Variants in ACTN3 observed in about 807,000 individuals in gnomAD.
ACTN3 encodes actinin alpha 3.
ACTN3 carries 91 observed loss-of-function variants against 119.6 expected under a neutral mutation model. That is an observed-to-expected ratio of 0.76 (90% CI 0.64 to 0.91). The LOEUF is 0.91. ACTN3 is among the 40% of genes least tolerant of loss of function. The pLI, the probability that ACTN3 is intolerant of heterozygous loss-of-function variation, is 0.00. For missense variants in ACTN3, 1,221 were observed against 1,215.1 expected (o/e 1.00, Z -0.07); for synonymous variants, 456 against 478.8 (o/e 0.95, Z 0.62).
intron 5 of ACTN3, 85 bp downstream of exon 5, chr11:66,554,708 C>A: frequency 8.9e-7 from 1 of 1,123,326 alleles, no homozygotes; most frequent in Non-Finnish European, 1.3e-6. Flanking sequence ...GTGAAGGGCA[C>A]TGAGCTGGTC....
rs780503342 is a variant in ACTN3, at chr11:66,554,653, G to T, written c.557+30G>T. The stretch of plus-strand genomic sequence containing the variant: ...GTCAGGTGGTTACCAAATGTGTCTG[G>T]GCCTCTGTGGGGTACTGGGCATAGA... On this transcript the variant is annotated intron_variant, in intron 5 of 20. Coordinates refer to ENST00000513398, the MANE Select transcript of ACTN3 (RefSeq NM_001104.4). 1.2e-5 allele frequency: 19 copies of T among 1,580,260 alleles called. No individual in the cohort carries two copies. The Admixed American group carries it at 3.4e-4, about 28-fold the overall frequency.
chr11:66,546,561 G>T (rs950183211), upstream of ACTN3: 1 of 1,535,646 alleles, frequency 6.5e-7, no homozygotes. Context: ...AGAGGCTCAC[G>T]AGGAGCTCCA....
rs1036605056 is a variant in ACTN3 at position 66,559,920 on chromosome 11, C to T, written c.1428-48C>T. The stretch of plus-strand genomic sequence containing the variant: ...TCCAGCCCTGGGAGTGCAGTTAGGA[C>T]ATCTGGGCTGGGGCTGGCCCCACAC... On this transcript the variant is annotated intron_variant, in intron 12 of 20. Coordinates refer to ENST00000513398, the MANE Select transcript of ACTN3 (RefSeq NM_001104.4). The T allele has an allele frequency of 3.3e-6, 5 of 1,531,256 alleles. No individual in the cohort carries two copies. The Admixed American group carries it at 5.8e-5, about 18-fold the overall frequency. 94.9% of individuals were successfully genotyped at this position (1,531,256 alleles called of 1,614,324 possible).
intron 17 of ACTN3, 85 bp from the exon 18 acceptor site, chr11:66,561,937 G>T: frequency 1.3e-6 from 2 of 1,499,704 alleles, no homozygotes; most frequent in Non-Finnish European, 1.8e-6. Context: ...CTTGCCCAGG[G>T]TCATTCAGTG....
In ACTN3 at chr11:66,557,119, C is replaced by T. The variant is rs767393153; in HGVS notation, c.805-14C>T. 6.6e-5 allele frequency: 102 copies of T among 1,551,142 alleles called. No individual in the cohort carries two copies. The highest frequency in any genetic ancestry group is 4.5e-4 in the Admixed American group (23 of 50,986). ...TTTGCTTTAATGCCAGCCTTCTGCCCACTCCCCCCACAGGCAGAGACAGCT... is the reference window on the plus strand; with the variant it reads ...TTTGCTTTAATGCCAGCCTTCTGCCTACTCCCCCCACAGGCAGAGACAGCT... On this transcript the variant is annotated splice_polypyrimidine_tract_variant and intron_variant, in intron 8 of 20. Coordinates refer to ENST00000513398, the MANE Select transcript of ACTN3 (RefSeq NM_001104.4).
Position 66,557,125 on chromosome 11 carries a change from C to T in ACTN3, c.805-8C>T, listed in dbSNP as rs1456811683. ...TTAATGCCAGCCTTCTGCCCACTCC[C>T]CCCACAGGCAGAGACAGCTGCCAAC... On this transcript the variant is annotated splice_polypyrimidine_tract_variant and splice_region_variant and intron_variant, in intron 8 of 20. Transcript: ENST00000513398. 3 of 1,551,758 alleles carry T rather than the reference C, an allele frequency of 1.9e-6. No homozygotes were observed. Among genetic ancestry groups the T allele is most frequent in the African/African-American group, 2.7e-5 (2 of 73,054 alleles).
At chr11:66,555,619 G>C (rs537839859) in intron 7 of ACTN3, among the ~76,000 whole-genome samples, 1 of 152,162 alleles carries the variant, frequency 6.6e-6, no homozygotes. Flanking sequence ...CAGTTACCTG[G>C]GTTACCTGGG....
chr11:66,562,023 A>T lies in ACTN3; in HGVS notation c.2177A>T (p.His726Leu). ...DNKHTVYSME[H>L]IRVGWEQLLT... is the part of the protein sequence containing the mutation. ...AGTGGCCTGTCCCCTGACCGCCAGCACATCCGCGTGGGCTGGGAGCAGCTG... is the reference window on the plus strand; with the variant it reads ...AGTGGCCTGTCCCCTGACCGCCAGCTCATCCGCGTGGGCTGGGAGCAGCTG... Residue 726 changes from histidine (H) to leucine (L), a missense_variant and splice_region_variant, in exon 18 of 21, where the codon CAC becomes CTC. Physicochemically the swap from His to Leu is moderately conservative, Grantham distance 99. Coordinates refer to ENST00000513398, the MANE Select transcript of ACTN3 (RefSeq NM_001104.4). 1 of 1,606,922 alleles carries T rather than the reference A, an allele frequency of 6.2e-7. No individual in the cohort carries two copies.
At chr11:66,552,459 T>TA (rs1220501077) in intron 3 of ACTN3, among the ~76,000 whole-genome samples, 1 of 151,976 alleles carries the variant, frequency 6.6e-6, no homozygotes, top group Non-Finnish European at 1.5e-5. Context: ...AATTGCTAAA[T>TA]AACAAGCCAG....
At chr11:66,558,402 G>A (rs893721355) in intron 11 of ACTN3, among the ~76,000 whole-genome samples, 9 of 152,200 alleles carry the variant, frequency 5.9e-5, no homozygotes, top group African/African-American at 1.9e-4. Context: ...TTTTGAGACA[G>A]AGTCTTGCTC....
In ACTN3 at chr11:66,559,325, A is replaced by G; in HGVS notation, c.1366A>G (p.Ser456Gly). ...GCTGCGGCGCCACGAGGCCTTTGAG[A>G]GCGACCTGGCGGCGCACCAGGACCG... ...ALLRRHEAFE[S>G]DLAAHQDRVE... The change falls in exon 12 of 21, where the codon AGC becomes GGC. Residue 456 changes from serine to glycine, a missense_variant. Ser to Gly is a moderately conservative substitution (Grantham distance 56, BLOSUM62 0). Coordinates refer to ENST00000513398, the MANE Select transcript of ACTN3 (RefSeq NM_001104.4). The G allele has an allele frequency of 6.3e-7, 1 of 1,576,464 alleles. No homozygotes were observed. The highest frequency in any genetic ancestry group is 2.5e-5 in the East Asian group (1 of 40,360).
chr11:66,560,123 C>T (rs1297782276), intron 13 of ACTN3, 47 bp downstream of exon 13: 2 of 1,552,362 alleles, frequency 1.3e-6, no homozygotes, highest in South Asian at 2.4e-5. Context: ...GTGGGTGAGG[C>T]CAGGTCTGCA....
chr11:66,556,189 T>C lies in ACTN3; in HGVS notation c.763T>C (p.Tyr255His). Residue 255 changes from tyrosine (Y) to histidine (H), a missense_variant, in exon 8 of 21, where the codon TAT (tyrosine) becomes CAT (histidine). This residue lies in a region of ACTN3 where 934 missense variants were observed against 899.9 expected (regional missense o/e 1.04). Coordinates refer to ENST00000513398, the MANE Select transcript of ACTN3 (RefSeq NM_001104.4). The part of the protein sequence containing the change: ...PKPDEKAIMT[Y>H]VSCFYHAFAG... ...GCCGGATGAGAAGGCCATCATGACC[T>C]ATGTGTCCTGCTTCTACCATGCCTT... is the stretch of plus-strand genomic sequence containing the variant. The C allele has an allele frequency of 1.9e-6, 3 of 1,613,914 alleles. No homozygotes were observed. The highest frequency in any genetic ancestry group is 2.5e-6 in the Non-Finnish European group (3 of 1,179,914).
intron 9 of ACTN3, 42 bp from the exon 10 acceptor site, chr11:66,557,657 C>T (rs1857619396): frequency 6.4e-6 from 10 of 1,569,334 alleles, no homozygotes; most frequent in East Asian, 2.3e-5. Flanking sequence ...CTGGGCAGGT[C>T]AGCGCAGAGC....
chr11:66,556,543 C>A (rs1857594632), intron 8 of ACTN3, among the ~76,000 whole-genome samples: 1 of 152,064 alleles, frequency 6.6e-6, no homozygotes, highest in Non-Finnish European at 1.5e-5. Context: ...TTGACCTCAG[C>A]CTCCTGCCTC....
chr11:66,561,678 G>T, intron 17 of ACTN3, 41 bp downstream of exon 17: 1 of 1,578,814 alleles, frequency 6.3e-7, no homozygotes, highest in Non-Finnish European at 8.6e-7. Context: ...AGGCAGCACT[G>T]GCTGAGGAGG....
Position 66,560,713 on chromosome 11 carries a change from C to T in ACTN3, c.1818C>T (p.Tyr606=). Residue 606 remains tyrosine, a synonymous_variant, in exon 15 of 21, where the codon TAC becomes TAT. Coordinates refer to ENST00000513398, the MANE Select transcript of ACTN3 (RefSeq NM_001104.4). ...TGCGGCCCTGCTCCACCAATCCCTA[C>T]ATCACCCTCAGCCCGCAGGACATCA... ...YGLRPCSTNP[Y]ITLSPQDINT... is the part of the protein sequence containing the mutation. 2 of 1,613,806 alleles carry T rather than the reference C, an allele frequency of 1.2e-6. No homozygotes were observed. The highest frequency in any genetic ancestry group is 1.7e-6 in the Non-Finnish European group (2 of 1,179,780).
intron 11 of ACTN3, 60 bp from the exon 12 acceptor site, chr11:66,559,176 C>T (rs1857674057): frequency 1.4e-6 from 2 of 1,411,532 alleles, no homozygotes; most frequent in South Asian, 3.4e-5. Flanking sequence ...TCACGCAGCC[C>T]GCCGCGCACC....
rs149608017 is a variant in ACTN3 at position 66,554,941 on chromosome 11, G to A, written c.558-189G>A. Among the ~76,000 whole-genome samples the A allele has an allele frequency of 6.1e-3, 933 of 152,254 alleles. 3 individuals are homozygous for A. The highest frequency in any genetic ancestry group is 9.5e-3 in the Non-Finnish European group (648 of 68,014). ...TCGGGCCTAAGCATGAGTGTGTGACGGAATCGTGATGAGCTAGCAGGAGAT... is the reference window on the plus strand; with the variant it reads ...TCGGGCCTAAGCATGAGTGTGTGACAGAATCGTGATGAGCTAGCAGGAGAT... On this transcript the variant is annotated intron_variant, in intron 5 of 20. Coordinates refer to ENST00000513398, the MANE Select transcript of ACTN3 (RefSeq NM_001104.4).
Sources: allele counts gnomAD v4.1 joint callset (sites outside exome capture counted in the v4.1 genomes callset), GRCh38; gene constraint gnomAD v4.1.1; regional missense constraint gnomAD v4.1.1; transcripts MANE v1.5; gene names NCBI Gene and HGNC (gene_info 2026-07-23, HGNC 2026-07-21).